FMN1: variants seen among roughly 807,000 people sequenced by gnomAD.
FMN1 encodes formin 1, also known as formin-1.
In FMN1, 110 loss-of-function variants were observed where a neutral mutation model predicts 132.4. That is an observed-to-expected ratio of 0.83 (90% CI 0.71 to 0.97). The LOEUF is 0.97. FMN1 is among the 50% of genes least tolerant of loss of function. The pLI is 0.00. For synonymous variants in FMN1, 722 were observed against 651.7 expected, an observed-to-expected ratio of 1.11 and a Z score of -1.64; for missense variants, 1,792 against 1,705.3, an observed-to-expected ratio of 1.05 and a Z score of -0.90.
intron 17 of FMN1, among the ~76,000 whole-genome samples, chr15:32,804,796 T>C (rs2057618650): frequency 6.6e-6 from 1 of 152,078 alleles, no homozygotes; most frequent in South Asian, 2.1e-4. Context: ...TTGCTGAGAA[T>C]GATAGTTTCT....
chr15:33,051,873 C>G (rs2141180283), intron 6 of FMN1, among the ~76,000 whole-genome samples: 1 of 152,290 alleles, frequency 6.6e-6, no homozygotes, highest in Middle Eastern at 3.4e-3. Flanking sequence ...AGTCAAAGGT[C>G]AAACACTGCA....
chr15:33,107,816 C>G (rs978566205), intron 4 of FMN1, among the ~76,000 whole-genome samples: 2 of 152,062 alleles, frequency 1.3e-5, no homozygotes, highest in African/African-American at 4.8e-5. Flanking sequence ...ATCTGGTTTT[C>G]TTCTGTATAT....
intron 6 of FMN1, among the ~76,000 whole-genome samples, chr15:33,045,265 C>T (rs904535813): frequency 2.0e-5 from 3 of 152,188 alleles, no homozygotes; most frequent in Non-Finnish European, 4.4e-5. Flanking sequence ...GTGGCTGGAC[C>T]CCATGCTCAC....
At chr15:32,953,457 T>C (rs964842074) in intron 9 of FMN1, among the ~76,000 whole-genome samples, 6 of 152,198 alleles carry the variant, frequency 3.9e-5, no homozygotes, top group African/African-American at 1.4e-4. Context: ...TTTCCTTTGC[T>C]TTTATCACAG....
chr15:33,126,096 T>C (rs1195631651), intron 4 of FMN1, among the ~76,000 whole-genome samples: 4 of 152,168 alleles, frequency 2.6e-5, no homozygotes, highest in Admixed American at 1.3e-4. Context: ...AAGCACTGTG[T>C]AAATGTTACG....
intron 6 of FMN1, among the ~76,000 whole-genome samples, chr15:33,043,042 T>A (rs1177353215): frequency 1.3e-5 from 2 of 152,204 alleles, no homozygotes; most frequent in Non-Finnish European, 2.9e-5. Flanking sequence ...GTTTGACTTA[T>A]GATGATTTTT....
At chr15:32,958,297 T>C (rs1001895159) in intron 9 of FMN1, among the ~76,000 whole-genome samples, 4 of 152,178 alleles carry the variant, frequency 2.6e-5, no homozygotes, top group Non-Finnish European at 5.9e-5. Context: ...CGAATAAAAG[T>C]TGATACTATC....
chr15:32,816,930 T>C (rs2058076673), intron 17 of FMN1, among the ~76,000 whole-genome samples: 1 of 152,190 alleles, frequency 6.6e-6, no homozygotes, highest in African/African-American at 2.4e-5. Context: ...ATAGTTTCAA[T>C]CACATTATAA....
intron 9 of FMN1, among the ~76,000 whole-genome samples, chr15:32,947,147 A>T (rs941544425): frequency 2.0e-5 from 3 of 152,130 alleles, no homozygotes; most frequent in African/African-American, 7.2e-5. Flanking sequence ...ATTTTCAAAA[A>T]TTATTAAATG....
At chr15:33,031,975 AAT>A (rs1360696768) in intron 6 of FMN1, among the ~76,000 whole-genome samples, 29 of 40,824 alleles carry the variant, frequency 7.1e-4, no homozygotes, top group African/African-American at 2.8e-3. Context: ...GTTGTCTAAA[AAT>A]CAATAAATGT....
chr15:32,855,585 T>C (rs1024270304), intron 17 of FMN1, among the ~76,000 whole-genome samples: 2 of 152,232 alleles, frequency 1.3e-5, no homozygotes, highest in African/African-American at 4.8e-5. Flanking sequence ...AGCTGGCTGC[T>C]TTGCAGACGC....
intron 16 of FMN1, among the ~76,000 whole-genome samples, chr15:32,881,518 A>G (rs2059770007): frequency 6.6e-6 from 1 of 152,210 alleles, no homozygotes; most frequent in Non-Finnish European, 1.5e-5. Flanking sequence ...ATGAGTGTTC[A>G]ATCAATGACG....
intron 20 of FMN1, among the ~76,000 whole-genome samples, chr15:32,775,708 G>A (rs1232243534): frequency 6.6e-6 from 1 of 152,146 alleles, no homozygotes; most frequent in Non-Finnish European, 1.5e-5. Flanking sequence ...TCAACCTCAT[G>A]CAACATTCAT....
chr15:33,179,407 C>A (rs998400644), intron 3 of FMN1, among the ~76,000 whole-genome samples: 7 of 152,146 alleles, frequency 4.6e-5, no homozygotes, highest in Admixed American at 1.3e-4. Flanking sequence ...TATATTTTTG[C>A]TCTTCCTTTT....
At chr15:33,056,425 A>T (rs1057236937) in intron 6 of FMN1, among the ~76,000 whole-genome samples, 3 of 152,212 alleles carry the variant, frequency 2.0e-5, no homozygotes, top group Non-Finnish European at 4.4e-5. Context: ...AAGGAAAATG[A>T]CATACAGAAA....
intron 19 of FMN1, among the ~76,000 whole-genome samples, chr15:32,777,561 T>C (rs1041487508): frequency 6.1e-5 from 9 of 147,560 alleles, no homozygotes; most frequent in African/African-American, 2.0e-4. Context: ...GTATAACATA[T>C]AACACTTTAT....
intron 19 of FMN1, among the ~76,000 whole-genome samples, chr15:32,790,016 T>A (rs1011461801): frequency 2.3e-5 from 3 of 129,624 alleles, no homozygotes; most frequent in African/African-American, 8.8e-5. Flanking sequence ...AATGCGTTTC[T>A]CACAATGTAT....
At chr15:32,929,463 A>G (rs2061049541) in intron 9 of FMN1, among the ~76,000 whole-genome samples, 1 of 152,176 alleles carries the variant, frequency 6.6e-6, no homozygotes, top group South Asian at 2.1e-4. Context: ...AATGTATCCT[A>G]TTAACAAAAA....
intron 4 of FMN1, among the ~76,000 whole-genome samples, chr15:33,116,515 G>A (rs1049773544): frequency 6.6e-6 from 1 of 152,112 alleles, no homozygotes; most frequent in Non-Finnish European, 1.5e-5. Flanking sequence ...TTCTTGTTCT[G>A]GGGGCTGATT....
Sources: gnomAD v4.1 joint callset for allele counts (sites outside exome capture counted in the v4.1 genomes callset) on GRCh38, gnomAD v4.1.1 for gene constraint, MANE v1.5 for transcripts, NCBI Gene and HGNC (gene_info 2026-07-23, HGNC 2026-07-21) for gene names.